The following RANBP9 variants were observed in gnomAD, a reference collection of about 807,000 sequenced individuals.
The protein encoded by RANBP9 is RAN binding protein 9, also known as ran-binding protein 9.
RANBP9 carries 15 observed loss-of-function variants against 84.3 expected under a neutral mutation model. The ratio of observed to expected loss-of-function variants is 0.18; its 90% CI spans 0.12 to 0.27. The LOEUF (loss-of-function observed/expected upper bound fraction) is 0.27. Ranked by LOEUF, RANBP9 falls within the 10% of genes least tolerant of loss-of-function variation. RANBP9 has a pLI of 1.00. For synonymous variants in RANBP9, 392 were observed against 349.6 expected, an observed-to-expected ratio of 1.12 and a Z score of -1.35; for missense variants, 809 against 912.8, an observed-to-expected ratio of 0.89 and a Z score of 1.46.
In RANBP9 at chr6:13,688,676, CTGT is replaced by C. The variant is rs200519335; in HGVS notation, c.683+8106_683+8108del. 2.3e-3 allele frequency among the ~76,000 whole-genome samples: 350 copies of C among 151,924 alleles called. 3 individuals carry two copies. The highest frequency in any genetic ancestry group is 7.7e-3 in the African/African-American group (319 of 41,400). On this transcript the variant is annotated intron_variant, in intron 2 of 13. Coordinates refer to ENST00000011619, the MANE Select transcript of RANBP9 (RefSeq NM_005493.3). ...AATCTCCTCGTCTGTTATTTTCCTC[CTGT>C]TATTTTTTTTTTTAAATCTCTATCA...
chr6:13,681,839 C>A (rs759127710), intron 2 of RANBP9, among the ~76,000 whole-genome samples: 2 of 151,822 alleles, frequency 1.3e-5, no homozygotes, highest in Non-Finnish European at 1.5e-5. Context: ...AAAAGGATGA[C>A]GTGAACCTTC....
intron 1 of RANBP9, among the ~76,000 whole-genome samples, chr6:13,702,884 T>A (rs2113366896): frequency 6.6e-6 from 1 of 152,300 alleles, no homozygotes; most frequent in South Asian, 2.1e-4. Context: ...GCCCCATCAC[T>A]CAATTCAAAC....
At chr6:13,707,388 T>G (rs1349844073) in intron 1 of RANBP9, among the ~76,000 whole-genome samples, 3 of 152,214 alleles carry the variant, frequency 2.0e-5, no homozygotes, top group African/African-American at 7.2e-5. Context: ...TAAACTGTTC[T>G]AAATTAGTAA....
chr6:13,638,792 C>T (rs568904121), intron 9 of RANBP9, among the ~76,000 whole-genome samples: 49 of 151,028 alleles, frequency 3.2e-4, no homozygotes, highest in African/African-American at 1.1e-3. Flanking sequence ...AGCCAACAAA[C>T]GGATGGGAGA....
chr6:13,641,135 A>G (rs906894236), intron 8 of RANBP9, 64 bp downstream of exon 8: 45 of 1,049,436 alleles, frequency 4.3e-5, no homozygotes, highest in Non-Finnish European at 5.5e-5. Flanking sequence ...AATGTCTTTT[A>G]TTACATAACT....
At chr6:13,640,675 C>A (rs1034221854) in intron 8 of RANBP9, among the ~76,000 whole-genome samples, 2 of 152,044 alleles carry the variant, frequency 1.3e-5, no homozygotes, top group African/African-American at 4.8e-5. Context: ...TACTCTGATT[C>A]TACTTATATG....
At chr6:13,706,209 C>T (rs1473863945) in intron 1 of RANBP9, among the ~76,000 whole-genome samples, 1 of 151,810 alleles carries the variant, frequency 6.6e-6, no homozygotes, top group African/African-American at 2.4e-5. Context: ...CCGGGCGTCG[C>T]GGCGGGCACC....
chr6:13,632,559 G>C (rs1304849233), intron 11 of RANBP9, 38 bp from the exon 12 acceptor site: 1 of 1,566,016 alleles, frequency 6.4e-7, no homozygotes, highest in South Asian at 1.1e-5. Context: ...CTACCTTATG[G>C]AATGGAGTAT....
intron 2 of RANBP9, among the ~76,000 whole-genome samples, chr6:13,690,214 T>C (rs776512017): frequency 3.3e-5 from 5 of 152,232 alleles, no homozygotes; most frequent in Non-Finnish European, 7.3e-5. Context: ...GTAAGAACTA[T>C]GAATAAGACA....
chr6:13,695,985 C>T (rs1766435132), intron 2 of RANBP9, among the ~76,000 whole-genome samples: 1 of 152,064 alleles, frequency 6.6e-6, no homozygotes, highest in South Asian at 2.1e-4. Flanking sequence ...ACTAAAGACC[C>T]TATGACTGCT....
intron 10 of RANBP9, 54 bp from the exon 11 acceptor site, chr6:13,634,606 TTAAAA>T (rs1354558970): frequency 5.9e-6 from 9 of 1,514,046 alleles, no homozygotes; most frequent in Middle Eastern, 1.8e-4. Context: ...GCAGCTTAGT[TTAAAA>T]TAAATCACTA....
chr6:13,639,785 C>A (rs1247303978), intron 8 of RANBP9, 32 bp from the exon 9 acceptor site: 1 of 1,542,146 alleles, frequency 6.5e-7, no homozygotes, highest in Non-Finnish European at 8.9e-7. Flanking sequence ...TACTTAGACA[C>A]AATCTTCAAA....
chr6:13,622,421 T>C lies in RANBP9; in HGVS notation c.2131A>G (p.Met711Val), dbSNP rs1315277115. 6.2e-7 allele frequency: 1 copy of C among 1,601,664 alleles called. No homozygotes were observed. The highest frequency in any genetic ancestry group is 8.5e-7 in the Non-Finnish European group (1 of 1,173,604). The change falls in exon 14 of 14, where the codon ATG (methionine) becomes GTG (valine). Residue 711 changes from methionine to valine, a missense_variant. Physicochemically the swap from Met to Val is conservative, Grantham distance 21. Around this residue, in one of 5 missense-constraint regions of RANBP9, gnomAD observed 233 missense variants for 234.4 expected, o/e 0.99. Transcript: ENST00000011619. ...CAGGATCCAATTCCTGATCGAGCCATCAGTCCTAGACATTGTGTGGCCTGT... is the reference window on the plus strand; with the variant it reads ...CAGGATCCAATTCCTGATCGAGCCACCAGTCCTAGACATTGTGTGGCCTGT... ...MGQATQCLGLMARSGIGSCAF... is the reference protein window; with the variant it reads ...MGQATQCLGLVARSGIGSCAF...
chr6:13,647,215 C>T (rs1432371618), intron 5 of RANBP9, among the ~76,000 whole-genome samples: 1 of 152,054 alleles, frequency 6.6e-6, no homozygotes, highest in Non-Finnish European at 1.5e-5. Context: ...TTATTTGTAA[C>T]ACAAACAAAA....
intron 9 of RANBP9, among the ~76,000 whole-genome samples, 171 bp downstream of exon 9, chr6:13,639,392 C>G (rs184133126): frequency 2.6e-5 from 4 of 152,230 alleles, no homozygotes; most frequent in African/African-American, 9.6e-5. Flanking sequence ...GTTGGCCAGG[C>G]TGGTCTCGAA....
At chr6:13,648,893 T>G (rs1765231885) in intron 5 of RANBP9, among the ~76,000 whole-genome samples, 2 of 152,216 alleles carry the variant, frequency 1.3e-5, no homozygotes, top group Non-Finnish European at 2.9e-5. Context: ...ATAATTTAAT[T>G]GTATAATTAA....
chr6:13,648,943 A>G (rs1368735102), intron 5 of RANBP9, among the ~76,000 whole-genome samples: 1 of 152,212 alleles, frequency 6.6e-6, no homozygotes, highest in Non-Finnish European at 1.5e-5. Context: ...TCATTTCTCA[A>G]ACTGGTGAGG....
intron 13 of RANBP9, among the ~76,000 whole-genome samples, chr6:13,622,858 CTA>C (rs558286184): frequency 6.6e-6 from 1 of 152,172 alleles, no homozygotes; most frequent in Non-Finnish European, 1.5e-5. Context: ...TTGATACTAA[CTA>C]AAACTAAAAA....
intron 12 of RANBP9, among the ~76,000 whole-genome samples, chr6:13,628,573 C>CATGG (rs1251164044): frequency 6.6e-6 from 1 of 152,150 alleles, no homozygotes; most frequent in Non-Finnish European, 1.5e-5. Flanking sequence ...CACTATAAAA[C>CATGG]ATGGCTTGGA....
Sources: allele counts gnomAD v4.1 joint callset (sites outside exome capture counted in the v4.1 genomes callset), GRCh38; gene constraint gnomAD v4.1.1; regional missense constraint gnomAD v4.1.1; transcripts MANE v1.5; gene names NCBI Gene and HGNC (gene_info 2026-07-23, HGNC 2026-07-21).